Variants in MARK1 observed in about 807,000 individuals in gnomAD.
MARK1 encodes serine/threonine-protein kinase MARK1.
In MARK1, 40 loss-of-function variants were observed where a neutral mutation model predicts 96.3. The ratio of observed to expected loss-of-function variants is 0.42; its 90% CI spans 0.32 to 0.54. The LOEUF (loss-of-function observed/expected upper bound fraction) is 0.54, where lower values mean the gene tolerates loss of function less well. Among genes scored for constraint, MARK1 ranks in the 20% least tolerant of loss-of-function variants. MARK1 has a pLI of 0.16. For missense variants in MARK1, 719 were observed against 984.6 expected, an observed-to-expected ratio of 0.73 and a Z score of 3.61; for synonymous variants, 317 against 341.2, an observed-to-expected ratio of 0.93 and a Z score of 0.78.
At chr1:220,541,015 C>G (rs1166158568) in intron 1 of MARK1, among the ~76,000 whole-genome samples, 2 of 152,010 alleles carry the variant, frequency 1.3e-5, no homozygotes, top group Non-Finnish European at 2.9e-5. Flanking sequence ...CTCACTGCAG[C>G]CTCTGCTTCC....
chr1:220,618,290 T>G lies in MARK1; in HGVS notation c.553-20T>G, dbSNP rs1376540976. 3.5e-6 allele frequency: 5 copies of G among 1,422,798 alleles called. No homozygotes were observed. In the Admixed American group the frequency reaches 8.5e-5, roughly 24 times the overall value. 88.1% of individuals were successfully genotyped at this position (1,422,798 alleles called of 1,614,324 possible). A position where few individuals can be genotyped will look rare whatever the true frequency, so the allele number is the denominator to read the frequency against. On this transcript the variant is annotated intron_variant, in intron 7 of 17. Coordinates refer to ENST00000366917, the MANE Select transcript of MARK1 (RefSeq NM_018650.5). This position sits in a 1 kb window ranked among gnomAD's most constrained non-coding sequence, Gnocchi z 4.6. ...TTATGTAGGCTTTTTACATTGTTCT[T>G]TCTATTATTTTCCTCTTAGGCTGAA...
chr1:220,621,276 T>A (rs956914789), intron 9 of MARK1, among the ~76,000 whole-genome samples: 2 of 152,158 alleles, frequency 1.3e-5, no homozygotes, highest in African/African-American at 4.8e-5. Context: ...GTTGTTTCCA[T>A]TGTTTTTGAT....
chr1:220,577,219 A>G (rs139816680), intron 1 of MARK1, among the ~76,000 whole-genome samples: 2 of 152,234 alleles, frequency 1.3e-5, no homozygotes, highest in African/African-American at 4.8e-5. Flanking sequence ...GTGAGCAGTG[A>G]TCGTGCCACT....
At chr1:220,653,063 C>G (rs200063690) in intron 15 of MARK1, 38 bp from the exon 16 acceptor site, 3 of 1,604,606 alleles carry the variant, frequency 1.9e-6, no homozygotes, top group Middle Eastern at 1.7e-4. Context: ...GTTTTCTTGT[C>G]ATTATTCTGA....
At chr1:220,611,553 C>T (rs967533743) in intron 6 of MARK1, among the ~76,000 whole-genome samples, 5 of 152,098 alleles carry the variant, frequency 3.3e-5, no homozygotes, top group East Asian at 1.9e-4. Context: ...GCTCGCCCTC[C>T]GTGGGCTGCA....
At chr1:220,573,542 C>G (rs1310109123) in intron 1 of MARK1, among the ~76,000 whole-genome samples, 2 of 152,018 alleles carry the variant, frequency 1.3e-5, no homozygotes, top group Non-Finnish European at 2.9e-5. Context: ...CCAGGATGGT[C>G]TCGATCTCCT....
At chr1:220,652,235 A>G in intron 15 of MARK1, 85 bp downstream of exon 15, 1 of 1,055,718 alleles carries the variant, frequency 9.5e-7, no homozygotes, top group Non-Finnish European at 1.3e-6. Context: ...AGTCACCATC[A>G]CATTAAGACC....
chr1:220,650,906 G>A (rs1165347944), intron 14 of MARK1, among the ~76,000 whole-genome samples, 186 bp downstream of exon 14: 1 of 152,204 alleles, frequency 6.6e-6, no homozygotes, highest in Non-Finnish European at 1.5e-5. Flanking sequence ...AAAACATTTA[G>A]AGAAAACAAG....
At chr1:220,568,495 T>C (rs895728670) in intron 1 of MARK1, among the ~76,000 whole-genome samples, 3 of 152,056 alleles carry the variant, frequency 2.0e-5, no homozygotes, top group African/African-American at 7.2e-5. Flanking sequence ...AGAAAGGTAA[T>C]AGGGGGTCCG....
intron 3 of MARK1, among the ~76,000 whole-genome samples, chr1:220,584,187 G>C (rs1421869154): frequency 6.6e-6 from 1 of 152,118 alleles, no homozygotes; most frequent in South Asian, 2.1e-4. Flanking sequence ...TAACATTTTT[G>C]TATCTTCTGT....
At chr1:220,635,577 A>C (rs756865102) in intron 12 of MARK1, 48 bp downstream of exon 12, 2 of 1,580,356 alleles carry the variant, frequency 1.3e-6, no homozygotes, top group South Asian at 2.4e-5. Flanking sequence ...GTTCTTCCCA[A>C]ATTTGTGTTT....
intron 13 of MARK1, among the ~76,000 whole-genome samples, chr1:220,639,570 G>T (rs1045253583): frequency 6.6e-6 from 1 of 152,012 alleles, no homozygotes; most frequent in African/African-American, 2.4e-5. Context: ...TCTATTAGAG[G>T]CATTCTCAAA....
intron 1 of MARK1, among the ~76,000 whole-genome samples, chr1:220,532,645 C>T (rs1660393514): frequency 6.6e-6 from 1 of 152,122 alleles, no homozygotes; most frequent in Non-Finnish European, 1.5e-5. Flanking sequence ...AATCTGACAC[C>T]TTCCACTATT....
intron 3 of MARK1, among the ~76,000 whole-genome samples, chr1:220,593,936 G>A (rs1281562292): frequency 6.6e-6 from 1 of 152,106 alleles, no homozygotes; most frequent in African/African-American, 2.4e-5. Context: ...CTGACCTGAG[G>A]GCACGCCACT....
intron 6 of MARK1, among the ~76,000 whole-genome samples, chr1:220,606,188 C>T (rs1041228084): frequency 5.3e-5 from 8 of 152,116 alleles, no homozygotes; most frequent in Non-Finnish European, 2.9e-5. Flanking sequence ...TGTTTCCTGC[C>T]TTTTTAATGA....
At chr1:220,608,435 T>C (rs561825410) in intron 6 of MARK1, among the ~76,000 whole-genome samples, 2 of 152,280 alleles carry the variant, frequency 1.3e-5, no homozygotes, top group East Asian at 3.9e-4. Flanking sequence ...TCTATTTGAT[T>C]CTTCTCTCTT....
intron 4 of MARK1, among the ~76,000 whole-genome samples, chr1:220,599,097 CTT>C (rs1665569996): frequency 6.6e-6 from 1 of 151,994 alleles, no homozygotes; most frequent in African/African-American, 2.4e-5. Context: ...GGCAAAATAA[CTT>C]TGCGTTTTAA....
At chr1:220,570,178 T>G (rs896628799) in intron 1 of MARK1, among the ~76,000 whole-genome samples, 1 of 152,118 alleles carries the variant, frequency 6.6e-6, no homozygotes, top group African/African-American at 2.4e-5. Context: ...GAACCTGGCT[T>G]AGTTGAAGAA....
chr1:220,594,576 T>G (rs1665203933), intron 3 of MARK1, among the ~76,000 whole-genome samples: 1 of 152,152 alleles, frequency 6.6e-6, no homozygotes, highest in Non-Finnish European at 1.5e-5. Flanking sequence ...ACATGGATGT[T>G]TATATAGCAG....
Sources: gnomAD v4.1 joint callset for allele counts (sites outside exome capture counted in the v4.1 genomes callset) on GRCh38, gnomAD v4.1.1 for gene constraint, Gnocchi (gnomAD v3.1) non-coding constraint, MANE v1.5 for transcripts, NCBI Gene and HGNC (gene_info 2026-07-23, HGNC 2026-07-21) for gene names.